Variants in EIF4A3 observed in about 807,000 individuals in gnomAD.
The protein encoded by EIF4A3 is eukaryotic translation initiation factor 4A3, also known as eukaryotic initiation factor 4A-III.
Under a neutral mutation model 55.6 loss-of-function variants are expected in EIF4A3, and 1 was observed. The observed-to-expected ratio is 0.02, with a 90% CI of 0.01 to 0.09. The LOEUF is 0.09. Ranked by LOEUF, EIF4A3 falls within the 10% of genes least tolerant of loss-of-function variation. The pLI, the probability that EIF4A3 is intolerant of heterozygous loss-of-function variation, is 1.00. For synonymous variants in EIF4A3, 194 were observed against 196.3 expected (o/e 0.99, Z 0.10); for missense variants, 221 against 540.7 (o/e 0.41, Z 5.86).
rs749078042 is a variant in EIF4A3 at position 80,146,781 on chromosome 17, G to A, written c.169+12C>T. 9 of 1,602,264 alleles carry A rather than the reference G, an allele frequency of 5.6e-6. No individual in the cohort carries two copies. The highest frequency in any genetic ancestry group is 2.3e-5 in the East Asian group (1 of 44,360). ...CGCCCCCGGCTGGCCCCCGCGGCCC[G>A]CGCCCGCTCACCGTAAGCGTAGATG... On this transcript the variant is annotated intron_variant, in intron 1 of 11. Transcript: ENST00000649764.
At chr17:80,139,291 T>C in intron 6 of EIF4A3, 129 bp from the exon 7 acceptor site, 1 of 1,258,640 alleles carries the variant, frequency 7.9e-7, no homozygotes, top group Non-Finnish European at 1.1e-6. Context: ...GGAAATCTCA[T>C]TTTTACAGCA....
At chr17:80,141,419 G>T in intron 3 of EIF4A3, 38 bp from the exon 4 acceptor site, 1 of 1,591,640 alleles carries the variant, frequency 6.3e-7, no homozygotes, top group East Asian at 2.2e-5. Flanking sequence ...AGAATCCGCA[G>T]TATTATCAAA....
intron 7 of EIF4A3, chr17:80,138,557 G>C (rs1598604279): frequency 2.4e-6 from 1 of 423,982 alleles, no homozygotes; most frequent in East Asian, 3.9e-5. Context: ...TTTAAATTTA[G>C]AATTATTGGT....
chr17:80,146,636 G>A (rs780880151), intron 1 of EIF4A3, among the ~76,000 whole-genome samples, 157 bp downstream of exon 1: 1 of 152,130 alleles, frequency 6.6e-6, no homozygotes, highest in Non-Finnish European at 1.5e-5. Flanking sequence ...GAGGACGGGG[G>A]TGGGGGTGGG....
chr17:80,145,599 G>C (rs746562245), intron 1 of EIF4A3, among the ~76,000 whole-genome samples: 1 of 152,094 alleles, frequency 6.6e-6, no homozygotes, highest in Non-Finnish European at 1.5e-5. Flanking sequence ...AGAACTACAG[G>C]ATAAAAAATG....
chr17:80,140,283 C>T lies in EIF4A3; in HGVS notation c.373-143G>A. On this transcript the variant is annotated intron_variant, in intron 4 of 11. Transcript: ENST00000649764. Reference sequence around the variant, plus strand: ...CTCGAAACCACAAAATTCTCCTGCTCTTTTCTCTGACAAAAACAAGTTAAT... The same window carrying T: ...CTCGAAACCACAAAATTCTCCTGCTTTTTTCTCTGACAAAAACAAGTTAAT... 1.1e-5 allele frequency: 10 copies of T among 947,366 alleles called. No individual in the cohort carries two copies. In the South Asian group the frequency reaches 1.1e-4, roughly 11 times the overall value. The allele number at this position is 947,366 out of a possible 1,614,324, so 58.7% of individuals were successfully genotyped here. A position where few individuals can be genotyped will look rare whatever the true frequency, so the allele number is the denominator to read the frequency against.
At chr17:80,146,767 G>A in intron 1 of EIF4A3, 26 bp downstream of exon 1, 1 of 1,598,022 alleles carries the variant, frequency 6.3e-7, no homozygotes, top group Non-Finnish European at 8.5e-7. Flanking sequence ...GCCCCCGGCT[G>A]GCCCCCGCGG....
intron 1 of EIF4A3, among the ~76,000 whole-genome samples, chr17:80,146,518 G>A (rs535101926): frequency 6.6e-6 from 1 of 152,362 alleles, no homozygotes; most frequent in Admixed American, 6.5e-5. Context: ...TCTGCTGAAT[G>A]AAGGACGCTG....
intron 2 of EIF4A3, among the ~76,000 whole-genome samples, chr17:80,143,850 C>T (rs2039637818): frequency 6.6e-6 from 1 of 151,984 alleles, no homozygotes; most frequent in Non-Finnish European, 1.5e-5. Flanking sequence ...CATGGTGGTG[C>T]ATGCCTGTAA....
intron 4 of EIF4A3, 127 bp downstream of exon 4, chr17:80,141,192 T>C (rs8082247): frequency 0.24 from 230,590 of 970,164 alleles, 28,330 homozygotes; most frequent in East Asian, 0.26. Context: ...TGGCAAAATG[T>C]TAATCAGGAA....
chr17:80,146,434 G>A (rs752503688), intron 1 of EIF4A3, among the ~76,000 whole-genome samples: 92 of 152,242 alleles, frequency 6.0e-4, no homozygotes, highest in South Asian at 2.1e-4. Context: ...TTCAAAACCC[G>A]TAAAGGCGCA....
At chr17:80,137,598 A>AT in intron 8 of EIF4A3, 97 bp from the exon 9 acceptor site, 1 of 915,432 alleles carries the variant, frequency 1.1e-6, no homozygotes, top group Non-Finnish European at 1.7e-6. Flanking sequence ...ACCAGTATCA[A>AT]TATTCGTAAG....
intron 1 of EIF4A3, 75 bp downstream of exon 1, chr17:80,146,718 C>A: frequency 2.6e-6 from 4 of 1,518,554 alleles, no homozygotes; most frequent in Non-Finnish European, 3.5e-6. Context: ...GCCCGGGAGT[C>A]ACCAGTCTGG....
intron 3 of EIF4A3, 154 bp downstream of exon 3, chr17:80,141,628 T>C (rs2039619952): frequency 1.3e-6 from 1 of 750,408 alleles, no homozygotes; most frequent in Non-Finnish European, 2.1e-6. Flanking sequence ...TTAGTGCATA[T>C]ATTAGTGTAC....
At chr17:80,135,863 C>A in intron 11 of EIF4A3, 141 bp downstream of exon 11, 1 of 1,197,362 alleles carries the variant, frequency 8.4e-7, no homozygotes, top group African/African-American at 1.5e-5. Flanking sequence ...CCACTGCACT[C>A]CAGCCTGGGT....
At chr17:80,139,597 T>G (rs1044550261) in intron 6 of EIF4A3, 73 bp downstream of exon 6, 1 of 1,367,140 alleles carries the variant, frequency 7.3e-7, no homozygotes, top group Admixed American at 2.0e-5. Flanking sequence ...ACTGGCTGTT[T>G]CAATTTTACA....
At chr17:80,143,968 A>C (rs2039638837) in intron 2 of EIF4A3, among the ~76,000 whole-genome samples, 1 of 152,222 alleles carries the variant, frequency 6.6e-6, no homozygotes, top group Non-Finnish European at 1.5e-5. Context: ...CAACAGAGCG[A>C]GACTCCATCT....
At chr17:80,140,178 G>A (rs781388398) in intron 4 of EIF4A3, 38 bp from the exon 5 acceptor site, 4 of 1,493,356 alleles carry the variant, frequency 2.7e-6, no homozygotes, top group South Asian at 1.3e-5. Flanking sequence ...GGGTGGGAGA[G>A]AGAAACATCC....
At chr17:80,139,227 C>T (rs934759225) in intron 6 of EIF4A3, 65 bp from the exon 7 acceptor site, 106 of 1,590,740 alleles carry the variant, frequency 6.7e-5, no homozygotes, top group Non-Finnish European at 8.7e-5. Flanking sequence ...GGAAGGTGCA[C>T]GCCCAGTGTT....
Sources: gnomAD v4.1 joint callset for allele counts (sites outside exome capture counted in the v4.1 genomes callset) on GRCh38, gnomAD v4.1.1 for gene constraint, MANE v1.5 for transcripts, NCBI Gene and HGNC (gene_info 2026-07-23, HGNC 2026-07-21) for gene names.